The following CFAP61 variants were observed in gnomAD, a reference collection of about 807,000 sequenced individuals.
CFAP61 encodes the protein cilia- and flagella-associated protein 61.
In CFAP61, 107 loss-of-function variants were observed where a neutral mutation model predicts 135.6. The ratio of observed to expected loss-of-function variants is 0.79; its 90% CI spans 0.67 to 0.93. The LOEUF (loss-of-function observed/expected upper bound fraction) is 0.93. Ranked by LOEUF, CFAP61 falls within the 40% of genes least tolerant of loss-of-function variation. CFAP61 has a pLI of 0.00. For synonymous variants in CFAP61, 575 were observed against 578.5 expected, an observed-to-expected ratio of 0.99 and a Z score of 0.09; for missense variants, 1,507 against 1,556.2, an observed-to-expected ratio of 0.97 and a Z score of 0.53.
intron 20 of CFAP61, among the ~76,000 whole-genome samples, chr20:20,255,035 A>G (rs2051413059): frequency 6.6e-6 from 1 of 152,192 alleles, no homozygotes; most frequent in Admixed American, 6.5e-5. Context: ...CTACCTGCAT[A>G]ACTCCAAATA....
chr20:20,321,462 C>G (rs2057507370), intron 25 of CFAP61, among the ~76,000 whole-genome samples: 1 of 152,154 alleles, frequency 6.6e-6, no homozygotes, highest in Admixed American at 6.5e-5. Flanking sequence ...TTGCAAGAAA[C>G]AGAAATCAAC....
At chr20:20,286,846 G>GA (rs1364570299) in intron 22 of CFAP61, among the ~76,000 whole-genome samples, 1 of 152,104 alleles carries the variant, frequency 6.6e-6, no homozygotes, top group Admixed American at 6.5e-5. Context: ...TTAAAACCCA[G>GA]AAAAACAAGA....
intron 8 of CFAP61, among the ~76,000 whole-genome samples, chr20:20,105,122 G>A (rs2048288681): frequency 6.6e-6 from 1 of 152,092 alleles, no homozygotes; most frequent in African/African-American, 2.4e-5. Context: ...GGTGGGGAAT[G>A]TTTGGATGTC....
At chr20:20,056,477 A>G in intron 1 of CFAP61, 141 bp from the exon 2 acceptor site, 1 of 617,452 alleles carries the variant, frequency 1.6e-6, no homozygotes, top group South Asian at 2.1e-5. Context: ...TTGCAGTGAC[A>G]GTTGTCACAG....
chr20:20,155,044 C>T (rs558786223), intron 9 of CFAP61, among the ~76,000 whole-genome samples: 3 of 152,048 alleles, frequency 2.0e-5, no homozygotes, highest in Non-Finnish European at 4.4e-5. Context: ...GCTATAGTTA[C>T]CAAAAAAGCA....
chr20:20,109,724 C>G (rs2048666751), intron 8 of CFAP61, among the ~76,000 whole-genome samples: 1 of 152,146 alleles, frequency 6.6e-6, no homozygotes, highest in African/African-American at 2.4e-5. Flanking sequence ...GCTTTTTACT[C>G]TGTCTTGTCT....
intron 25 of CFAP61, among the ~76,000 whole-genome samples, chr20:20,320,354 A>ATATG (rs1295387857): frequency 3.9e-5 from 2 of 51,066 alleles, no homozygotes; most frequent in African/African-American, 1.5e-4. Context: ...TGTAATATAT[A>ATATG]TAATATATGT....
intron 17 of CFAP61, among the ~76,000 whole-genome samples, chr20:20,220,633 GAAA>G (rs918896571): frequency 3.3e-5 from 5 of 152,060 alleles, no homozygotes; most frequent in Non-Finnish European, 7.4e-5. Flanking sequence ...GTCAGTGTGG[GAAA>G]AAAACTCACA....
chr20:20,105,953 C>G (rs2048354848), intron 8 of CFAP61, among the ~76,000 whole-genome samples: 1 of 140,902 alleles, frequency 7.1e-6, no homozygotes, highest in Admixed American at 7.4e-5. Context: ...CACTGAATGT[C>G]TTTAGCATAT....
At chr20:20,150,281 G>A (rs538083997) in intron 9 of CFAP61, among the ~76,000 whole-genome samples, 77 of 152,112 alleles carry the variant, frequency 5.1e-4, no homozygotes, top group Non-Finnish European at 9.3e-4. Context: ...ACCCACCCCA[G>A]TAGCCAATCA....
At chr20:20,356,460 G>A (rs1391925488) in intron 26 of CFAP61, among the ~76,000 whole-genome samples, 49 of 150,550 alleles carry the variant, frequency 3.3e-4, no homozygotes, top group African/African-American at 1.1e-3. Flanking sequence ...TGTGAGGGGA[G>A]GTGGTCACAC....
intron 26 of CFAP61, among the ~76,000 whole-genome samples, chr20:20,350,522 G>A (rs1417389594): frequency 5.9e-5 from 9 of 152,144 alleles, no homozygotes; most frequent in Non-Finnish European, 7.4e-5. Context: ...CCAGCTACTC[G>A]GGAGGCTGAG....
intron 25 of CFAP61, among the ~76,000 whole-genome samples, chr20:20,326,559 A>G (rs1360859860): frequency 6.6e-6 from 1 of 152,174 alleles, no homozygotes. Flanking sequence ...ACTGTTTCCA[A>G]GTGTAGAGAT....
intron 3 of CFAP61, among the ~76,000 whole-genome samples, chr20:20,071,380 A>G (rs539041841): frequency 1.1e-4 from 16 of 152,302 alleles, no homozygotes; most frequent in African/African-American, 3.4e-4. Context: ...TGTAATCATG[A>G]CAGCAGAGCC....
At chr20:20,339,866 T>A (rs1419737017) in intron 25 of CFAP61, among the ~76,000 whole-genome samples, 1 of 152,224 alleles carries the variant, frequency 6.6e-6, no homozygotes, top group Admixed American at 6.5e-5. Context: ...AACATTACGA[T>A]CAATTGTAAA....
intron 22 of CFAP61, among the ~76,000 whole-genome samples, chr20:20,288,190 A>G (rs2054733477): frequency 6.6e-6 from 1 of 152,164 alleles, no homozygotes; most frequent in African/African-American, 2.4e-5. Context: ...GATGAGATCA[A>G]CCCAAGAAGG....
At chr20:20,189,019 A>AT (rs1166600348) in intron 14 of CFAP61, among the ~76,000 whole-genome samples, 13 of 152,186 alleles carry the variant, frequency 8.5e-5, no homozygotes, top group African/African-American at 3.1e-4. Context: ...AGTCATCCAT[A>AT]TTATAGCATG....
chr20:20,080,245 C>A (rs947777559), intron 6 of CFAP61, among the ~76,000 whole-genome samples: 1 of 151,962 alleles, frequency 6.6e-6, no homozygotes, highest in African/African-American at 2.4e-5. Flanking sequence ...ACATATATAC[C>A]TATATATATC....
chr20:20,083,478 C>A (rs2046574936), intron 6 of CFAP61, among the ~76,000 whole-genome samples: 1 of 151,984 alleles, frequency 6.6e-6, no homozygotes, highest in Non-Finnish European at 1.5e-5. Context: ...CACCTGTATT[C>A]CCAAAACTAT....
Sources: allele counts gnomAD v4.1 joint callset (sites outside exome capture counted in the v4.1 genomes callset), GRCh38; gene constraint gnomAD v4.1.1; transcripts MANE v1.5; gene names NCBI Gene and HGNC (gene_info 2026-07-23, HGNC 2026-07-21).